Variants in MGAT5 observed in about 807,000 individuals in gnomAD.
The protein encoded by MGAT5 is alpha-1,6-mannosylglycoprotein 6-beta-N-acetylglucosaminyltransferase A.
A neutral mutation model predicts 94.3 loss-of-function variants in MGAT5; 30 were observed. That is an observed-to-expected ratio of 0.32 (90% confidence interval 0.24 to 0.43). MGAT5 has a LOEUF of 0.43. MGAT5 is among the 20% of genes least tolerant of loss of function. The pLI, the probability that MGAT5 is intolerant of heterozygous loss-of-function variation, is 1.00. For missense variants in MGAT5, 691 were observed against 905.5 expected, an observed-to-expected ratio of 0.76 and a Z score of 3.04; for synonymous variants, 310 against 322.9, an observed-to-expected ratio of 0.96 and a Z score of 0.43.
intron 1 of MGAT5, among the ~76,000 whole-genome samples, chr2:134,261,981 G>A (rs1273074792): frequency 2.0e-5 from 3 of 152,186 alleles, no homozygotes; most frequent in African/African-American, 7.2e-5. Flanking sequence ...ATCCTAACAT[G>A]GGAACCATTG....
intron 1 of MGAT5, among the ~76,000 whole-genome samples, chr2:134,269,435 T>C (rs1683896663): frequency 6.6e-6 from 1 of 152,176 alleles, no homozygotes; most frequent in Non-Finnish European, 1.5e-5. Context: ...TGTGCACTTT[T>C]CCCCTGGCCC....
In MGAT5 at chr2:134,373,656, G is replaced by A. The variant is rs544193323; in HGVS notation, c.1380+11248G>A. ...TATACTGGTCCATCCCAGACAGCAG[G>A]TTGCTGGGCTGGCAGGAGATCGCCT... is the stretch of plus-strand genomic sequence containing the variant. On this transcript the variant is annotated intron_variant, in intron 10 of 15. Transcript: ENST00000281923. 2.0e-4 allele frequency among the ~76,000 whole-genome samples: 31 copies of A among 152,344 alleles called. No individual in the cohort carries two copies. In the South Asian group the frequency reaches 6.4e-3, roughly 32 times the overall value.
At chr2:134,142,004 G>A (rs769406073) in intron 1 of MGAT5, among the ~76,000 whole-genome samples, 7 of 152,212 alleles carry the variant, frequency 4.6e-5, no homozygotes, top group Non-Finnish European at 1.0e-4. Context: ...AGGAGGTGGG[G>A]TGGCAGGGCA....
chr2:134,282,952 T>A, intron 2 of MGAT5, among the ~76,000 whole-genome samples: 1 of 151,788 alleles, frequency 6.6e-6, no homozygotes, highest in South Asian at 2.1e-4. Flanking sequence ...TGGGCCCTTT[T>A]AATTCTAATA....
At chr2:134,152,203 T>C (rs1687241181) in intron 1 of MGAT5, among the ~76,000 whole-genome samples, 1 of 141,888 alleles carries the variant, frequency 7.0e-6, no homozygotes, top group South Asian at 2.3e-4. Context: ...CCCACCGCCA[T>C]GGGAACTCAC....
intron 2 of MGAT5, among the ~76,000 whole-genome samples, chr2:134,277,153 C>T (rs1684429946): frequency 6.6e-6 from 1 of 152,090 alleles, no homozygotes. Context: ...AATACTGGCT[C>T]CACCACTTCA....
chr2:134,310,681 G>A (rs1056409435), intron 2 of MGAT5, among the ~76,000 whole-genome samples: 1 of 152,168 alleles, frequency 6.6e-6, no homozygotes, highest in African/African-American at 2.4e-5. Context: ...TCATGTACAT[G>A]ACTTAGTTAC....
chr2:134,216,625 A>G (rs557612722), intron 1 of MGAT5, among the ~76,000 whole-genome samples: 96 of 152,370 alleles, frequency 6.3e-4, no homozygotes, highest in Non-Finnish European at 1.0e-3. Context: ...GCCCTGTGTG[A>G]TGGCGAAATG....
At chr2:134,138,156 A>C (rs1686502987) in intron 1 of MGAT5, among the ~76,000 whole-genome samples, 1 of 151,670 alleles carries the variant, frequency 6.6e-6, no homozygotes, top group South Asian at 2.1e-4. Context: ...CCTAGGCCTA[A>C]TTTTTAAAGT....
intron 2 of MGAT5, among the ~76,000 whole-genome samples, chr2:134,279,474 G>C (rs1005438331): frequency 6.6e-6 from 1 of 152,058 alleles, no homozygotes; most frequent in Admixed American, 6.5e-5. Context: ...AAAGAAACAG[G>C]GACCCAGAAT....
intron 1 of MGAT5, among the ~76,000 whole-genome samples, chr2:134,270,139 A>G (rs1051418181): frequency 6.6e-6 from 1 of 152,236 alleles, no homozygotes; most frequent in Non-Finnish European, 1.5e-5. Flanking sequence ...CTCTTGACCA[A>G]GTAGCTGGAA....
chr2:134,343,783 A>T (rs2106014911), intron 7 of MGAT5, among the ~76,000 whole-genome samples: 1 of 152,294 alleles, frequency 6.6e-6, no homozygotes, highest in East Asian at 1.9e-4. Flanking sequence ...TTTTGTAAAT[A>T]CAGTTTCATG....
chr2:134,257,836 C>CCTTTTTTTTTTTTTTTTTTTTTTTTTT (rs781189819), intron 1 of MGAT5, among the ~76,000 whole-genome samples: 1 of 106,414 alleles, frequency 9.4e-6, no homozygotes, highest in African/African-American at 3.7e-5. Flanking sequence ...TTTGCAGTCT[C>CCTTTTTTTTTTTTTTTTTTTTTTTTTT]TTTTTTTTTT....
At chr2:134,415,466 T>G (rs1380589169) in intron 12 of MGAT5, among the ~76,000 whole-genome samples, 1 of 152,226 alleles carries the variant, frequency 6.6e-6, no homozygotes, top group East Asian at 1.9e-4. Context: ...ATTTGATTGG[T>G]TGGGTTTTTT....
chr2:134,198,301 G>A (rs1482253248), intron 1 of MGAT5, among the ~76,000 whole-genome samples: 3 of 152,344 alleles, frequency 2.0e-5, no homozygotes, highest in South Asian at 2.1e-4. Flanking sequence ...TGTGGAAGGT[G>A]CACTTTCCTT....
At chr2:134,416,430 A>C (rs899651647) in intron 12 of MGAT5, among the ~76,000 whole-genome samples, 1 of 150,660 alleles carries the variant, frequency 6.6e-6, no homozygotes, top group Non-Finnish European at 1.5e-5. Context: ...GCATGTTTTC[A>C]AGGTTTGTTC....
chr2:134,197,405 G>C (rs60703395), intron 1 of MGAT5, among the ~76,000 whole-genome samples: 6,480 of 152,218 alleles, frequency 0.043, 480 homozygotes, highest in African/African-American at 0.15. Context: ...AATTCAAAAG[G>C]TCGGTTGAGA....
intron 1 of MGAT5, among the ~76,000 whole-genome samples, chr2:134,259,197 C>G (rs1338302460): frequency 6.6e-6 from 1 of 152,156 alleles, no homozygotes; most frequent in Non-Finnish European, 1.5e-5. Context: ...CTTTTGCCTC[C>G]CAGGCAAGTG....
At chr2:134,333,985 A>G (rs2105969206) in intron 4 of MGAT5, among the ~76,000 whole-genome samples, 1 of 152,200 alleles carries the variant, frequency 6.6e-6, no homozygotes, top group Non-Finnish European at 1.5e-5. Context: ...GCATACAAAA[A>G]CAACCTTAAA....
Sources: allele counts gnomAD v4.1 joint callset (sites outside exome capture counted in the v4.1 genomes callset), GRCh38; gene constraint gnomAD v4.1.1; transcripts MANE v1.5; gene names NCBI Gene and HGNC (gene_info 2026-07-23, HGNC 2026-07-21).